The following POU6F2 variants were observed in gnomAD, a reference collection of about 807,000 sequenced individuals.
POU6F2 encodes the protein POU class 6 homeobox 2.
POU6F2 carries 31 observed loss-of-function variants against 71.3 expected under a neutral mutation model. The observed-to-expected ratio is 0.43, with a 90% confidence interval of 0.33 to 0.59. POU6F2 has a LOEUF of 0.59. Among genes scored for constraint, POU6F2 ranks in the 20% least tolerant of loss-of-function variants. The pLI is 0.04. For missense variants in POU6F2, 783 were observed against 856.8 expected (o/e 0.91, Z 1.07); for synonymous variants, 347 against 355.7 (o/e 0.98, Z 0.27).
At chr7:39,461,298 G>A (rs1173226424) in intron 9 of POU6F2, among the ~76,000 whole-genome samples, 1 of 152,180 alleles carries the variant, frequency 6.6e-6, no homozygotes, top group Non-Finnish European at 1.5e-5. Flanking sequence ...TGAGAATCTG[G>A]CCTAACCTTG....
At position 39,371,119 on chromosome 7, in the gene POU6F2, C is replaced by T. The variant is rs149105926; in HGVS notation, c.972+31104C>T. 6.4e-3 allele frequency among the ~76,000 whole-genome samples: 968 copies of T among 151,786 alleles called. 6 individuals are homozygous for T. The highest frequency in any genetic ancestry group is 0.01 in the Non-Finnish European group (695 of 67,970). The stretch of plus-strand genomic sequence containing the variant: ...GTGGAAGGAAGAATACTTATCTTTA[C>T]AGTCAATGGAATCAAGGCTGTCTAT... On this transcript the variant is annotated intron_variant, in intron 5 of 9. Transcript: ENST00000518318.
At chr7:39,425,042 GACTTTCCTCT>G (rs958281011) in intron 6 of POU6F2, among the ~76,000 whole-genome samples, 1 of 152,072 alleles carries the variant, frequency 6.6e-6, no homozygotes, top group African/African-American at 2.4e-5. Flanking sequence ...CTGAGATGTG[GACTTTCCTCT>G]ACGAGGTTTG....
At chr7:39,190,937 G>C (rs1793651673) in intron 2 of POU6F2, among the ~76,000 whole-genome samples, 1 of 152,060 alleles carries the variant, frequency 6.6e-6, no homozygotes, top group African/African-American at 2.4e-5. Flanking sequence ...GCCCAGCTGA[G>C]TCAACTTCTT....
At chr7:39,333,063 C>A (rs1382562693) in intron 4 of POU6F2, among the ~76,000 whole-genome samples, 2 of 152,150 alleles carry the variant, frequency 1.3e-5, no homozygotes, top group African/African-American at 4.8e-5. Flanking sequence ...TCAGCAAGCA[C>A]CCCCTGGGAA....
In POU6F2 at chr7:39,073,376, T is replaced by TAAA. The variant is rs35194991; in HGVS notation, c.106-12467_106-12465dup. Among the ~76,000 whole-genome samples the TAAA allele has an allele frequency of 3.8e-5, 5 of 133,198 alleles. 1 individual carries two copies. The highest frequency in any genetic ancestry group is 3.0e-4 in the Admixed American group (4 of 13,342). The allele number at this position is 133,198 out of a possible 152,430, so 87.4% of individuals were successfully genotyped here. A position where few individuals can be genotyped will look rare whatever the true frequency, so the allele number is the denominator to read the frequency against. On this transcript the variant is annotated intron_variant, in intron 1 of 9. Transcript: ENST00000518318. ...AGCTGACGGAATGGGGAGAACCTAT[T>TAAA]AAAAAAAAAAAAAAAAAAACCTTCT...
At chr7:39,172,795 A>AT (rs1283952321) in intron 2 of POU6F2, among the ~76,000 whole-genome samples, 1 of 151,872 alleles carries the variant, frequency 6.6e-6, no homozygotes, top group East Asian at 1.9e-4. Flanking sequence ...TAATTTTTGT[A>AT]TTATTTGTAG....
intron 5 of POU6F2, among the ~76,000 whole-genome samples, chr7:39,401,203 G>A (rs948302297): frequency 2.6e-5 from 4 of 152,176 alleles, no homozygotes; most frequent in Non-Finnish European, 4.4e-5. Context: ...TGCCTCAGAG[G>A]CATCTCTCAA....
At chr7:39,336,608 G>T (rs974150580) in intron 4 of POU6F2, among the ~76,000 whole-genome samples, 1 of 152,182 alleles carries the variant, frequency 6.6e-6, no homozygotes, top group Admixed American at 6.5e-5. Context: ...CCTCCTCAGC[G>T]TGGGTTTTCT....
In POU6F2 at chr7:39,004,681, A is replaced by G. The variant is rs190034140; in HGVS notation, c.105+26623A>G. Among the ~76,000 whole-genome samples the G allele has an allele frequency of 9.8e-5, 15 of 152,340 alleles. No individual in the cohort carries two copies. The East Asian group carries it at 2.7e-3, about 27-fold the overall frequency. ...GAAAGTTGGTACTTTATATATGTAT[A>G]TTATTTACATGAATGATACTTGTCT... On this transcript the variant is annotated intron_variant, in intron 1 of 9. Coordinates refer to ENST00000518318, the MANE Select transcript of POU6F2 (RefSeq NM_001370959.1).
intron 4 of POU6F2, among the ~76,000 whole-genome samples, chr7:39,239,294 G>T (rs1446178607): frequency 6.6e-6 from 1 of 151,516 alleles, no homozygotes; most frequent in Non-Finnish European, 1.5e-5. Flanking sequence ...CCAAATGGTT[G>T]AGTAGGTTTA....
At chr7:39,011,042 G>A (rs1454400591) in intron 1 of POU6F2, among the ~76,000 whole-genome samples, 12 of 130,818 alleles carry the variant, frequency 9.2e-5, no homozygotes, top group Admixed American at 3.2e-4. Flanking sequence ...TATTAGGTCC[G>A]CTTGGTGCAG....
chr7:39,417,089 A>G (rs1267958147), intron 6 of POU6F2, among the ~76,000 whole-genome samples: 2 of 152,254 alleles, frequency 1.3e-5, no homozygotes, highest in Non-Finnish European at 2.9e-5. Flanking sequence ...ATTTTGATTT[A>G]GCGTCCTAGA....
intron 2 of POU6F2, among the ~76,000 whole-genome samples, chr7:39,153,821 C>A (rs1334745050): frequency 6.6e-6 from 1 of 152,082 alleles, no homozygotes; most frequent in Non-Finnish European, 1.5e-5. Flanking sequence ...CCATGAGAAG[C>A]CTTGCGGGCA....
At chr7:39,066,799 T>A (rs1790762591) in intron 1 of POU6F2, among the ~76,000 whole-genome samples, 2 of 149,874 alleles carry the variant, frequency 1.3e-5, no homozygotes. Flanking sequence ...ATCTAAGACG[T>A]TTTTGACAAA....
At chr7:39,446,903 A>G (rs1205649411) in intron 7 of POU6F2, among the ~76,000 whole-genome samples, 1 of 152,240 alleles carries the variant, frequency 6.6e-6, no homozygotes, top group Non-Finnish European at 1.5e-5. Flanking sequence ...ATGTAAACTC[A>G]GACGGAGAGA....
Position 39,460,699 on chromosome 7 carries a change from C to G in POU6F2, c.1642C>G (p.Gln548Glu). The G allele has an allele frequency of 6.2e-7, 1 of 1,602,162 alleles. No individual in the cohort carries two copies. The highest frequency in any genetic ancestry group is 8.5e-7 in the Non-Finnish European group (1 of 1,173,780). The change falls in exon 9 of 10, where the codon CAG (glutamine) becomes GAG (glutamate). Residue 548 changes from glutamine (Q) to glutamate (E), a missense_variant. Coordinates refer to ENST00000518318, the MANE Select transcript of POU6F2 (RefSeq NM_001370959.1). This position sits in a 1 kb window ranked among gnomAD's most constrained non-coding sequence, Gnocchi z 4.4. ...LSATEGPAYS[Q>E]SAICRHTILR... is the part of the protein sequence containing the mutation. Reference sequence around the variant, plus strand: ...TGCTACAGAGGGCCCCGCGTACAGCCAGTCGGCCATCTGCAGGTAACGCGC... The same window carrying G: ...TGCTACAGAGGGCCCCGCGTACAGCGAGTCGGCCATCTGCAGGTAACGCGC...
chr7:39,451,827 T>C, intron 8 of POU6F2, 126 bp downstream of exon 8: 2 of 1,214,174 alleles, frequency 1.6e-6, no homozygotes, highest in African/African-American at 1.5e-5. Context: ...GCACAGGAAT[T>C]TCCTGGCACT....
chr7:39,351,632 C>T (rs1044765238), intron 5 of POU6F2, among the ~76,000 whole-genome samples: 9 of 152,098 alleles, frequency 5.9e-5, no homozygotes, highest in African/African-American at 1.9e-4. Flanking sequence ...TATGGATCCA[C>T]CTGAAATGCT....
At chr7:39,136,676 A>C (rs1180503124) in intron 2 of POU6F2, among the ~76,000 whole-genome samples, 1 of 152,172 alleles carries the variant, frequency 6.6e-6, no homozygotes, top group South Asian at 2.1e-4. Context: ...AGAAGGATGT[A>C]ATCCATAGTG....
Sources: allele counts gnomAD v4.1 joint callset (sites outside exome capture counted in the v4.1 genomes callset), GRCh38; gene constraint gnomAD v4.1.1; non-coding constraint Gnocchi (gnomAD v3.1); transcripts MANE v1.5; gene names NCBI Gene and HGNC (gene_info 2026-07-23, HGNC 2026-07-21).